The following DHX8 variants were observed in gnomAD, a reference collection of about 807,000 sequenced individuals.
DHX8 encodes the protein DEAH-box helicase 8.
DHX8 carries 67 observed loss-of-function variants against 140.7 expected under a neutral mutation model. That is an observed-to-expected ratio of 0.48 (90% confidence interval 0.39 to 0.58). The LOEUF (loss-of-function observed/expected upper bound fraction) is 0.58, where lower values mean the gene tolerates loss of function less well. Ranked by LOEUF, DHX8 falls within the 20% of genes least tolerant of loss-of-function variation. The pLI is 0.00. For synonymous variants in DHX8, 533 were observed against 553.2 expected (o/e 0.96, Z 0.51); for missense variants, 887 against 1,550.7 (o/e 0.57, Z 7.19).
At chr17:43,533,028 TC>T in intron 2 of DHX8, 1 of 1,508,614 alleles carries the variant, frequency 6.6e-7, no homozygotes, top group Non-Finnish European at 8.9e-7. Flanking sequence ...TAGAGTGGGC[TC>T]CGGAATGGGG....
At chr17:43,495,276 T>C (rs1968790752) in intron 8 of DHX8, among the ~76,000 whole-genome samples, 1 of 152,150 alleles carries the variant, frequency 6.6e-6, no homozygotes, top group South Asian at 2.1e-4. Flanking sequence ...GGGTTACATA[T>C]TTTTTCCTTT....
At chr17:43,509,410 G>C (rs891637680) in intron 16 of DHX8, among the ~76,000 whole-genome samples, 2 of 151,920 alleles carry the variant, frequency 1.3e-5, no homozygotes, top group African/African-American at 4.8e-5. Flanking sequence ...GATGGATGTA[G>C]GTATTTTTTT....
chr17:43,513,312 C>A, intron 16 of DHX8, 50 bp from the exon 17 acceptor site: 1 of 1,595,864 alleles, frequency 6.3e-7, no homozygotes, highest in South Asian at 1.1e-5. Context: ...TTTCACACCT[C>A]AGGGCTGAGC....
rs1034493094 is a variant in DHX8 at position 43,517,099 on chromosome 17, G to C, written c.2644-68G>C. 14 of 1,487,376 alleles carry C rather than the reference G, an allele frequency of 9.4e-6. No individual in the cohort carries two copies. The African/African-American group carries it at 1.7e-4, about 18-fold the overall frequency. 92.1% of individuals were successfully genotyped at this position (1,487,376 alleles called of 1,614,324 possible). A position where few individuals can be genotyped will look rare whatever the true frequency, so the allele number is the denominator to read the frequency against. On this transcript the variant is annotated intron_variant, in intron 17 of 22. Transcript: ENST00000262415. The stretch of plus-strand genomic sequence containing the variant: ...GTTGTTAATTGTCCCCCTTTTAACA[G>C]ATATCCTGGGTAAAGCTGTTAAGCA...
intron 16 of DHX8, among the ~76,000 whole-genome samples, chr17:43,512,406 A>G (rs1398860197): frequency 6.7e-6 from 1 of 148,872 alleles, no homozygotes; most frequent in Non-Finnish European, 1.5e-5. Flanking sequence ...AAAAAAAGGC[A>G]GATGGACTTG....
rs879206378 is a variant in DHX8 at position 43,523,902 on chromosome 17, T to C, written c.*55T>C. 1.2e-5 allele frequency: 20 copies of C among 1,605,402 alleles called. No individual in the cohort carries two copies. The highest frequency in any genetic ancestry group is 1.7e-5 in the Admixed American group (1 of 59,016). On this transcript the variant is annotated 3_prime_UTR_variant, in exon 23 of 23. Coordinates refer to ENST00000262415, the MANE Select transcript of DHX8 (RefSeq NM_004941.3). ...CAGCAGTAGCCAGGGCTTGGACTTATCGATGACAGGCTGGTCCTGAGGATA... is the reference window on the plus strand; with the variant it reads ...CAGCAGTAGCCAGGGCTTGGACTTACCGATGACAGGCTGGTCCTGAGGATA...
chr17:43,488,297 G>A (rs12944466), intron 1 of DHX8, among the ~76,000 whole-genome samples: 2,699 of 81,328 alleles, frequency 0.033, 91 homozygotes, highest in African/African-American at 0.11. Context: ...AAAAAAAAAA[G>A]AAAAAAAGAA....
At position 43,488,991 on chromosome 17, in the gene DHX8, G is replaced by A. The variant is rs1968341633; in HGVS notation, c.149-458G>A. Among the ~76,000 whole-genome samples, 3 of 151,700 alleles carry A rather than the reference G, an allele frequency of 2.0e-5. 1 individual carries two copies. Among genetic ancestry groups the A allele is most frequent in the African/African-American group, 7.2e-5 (3 of 41,396 alleles). ...TTCAGCAGTCTAGATTTTCTCTCTT[G>A]TTTTCTTGTTTTGTTTTTTTTGTTT... On this transcript the variant is annotated intron_variant, in intron 1 of 22. Coordinates refer to ENST00000262415, the MANE Select transcript of DHX8 (RefSeq NM_004941.3).
chr17:43,539,895 T>G (rs1971435673), intron 3 of DHX8, among the ~76,000 whole-genome samples: 1 of 152,344 alleles, frequency 6.6e-6, no homozygotes, highest in Middle Eastern at 3.4e-3. Context: ...CTTATATTAA[T>G]AGATAGTTGA....
intron 16 of DHX8, among the ~76,000 whole-genome samples, chr17:43,512,179 G>C (rs1164351168): frequency 2.0e-5 from 3 of 151,730 alleles, no homozygotes; most frequent in Non-Finnish European, 4.4e-5. Context: ...ATGAGGTCAG[G>C]AGTTCGAGAC....
At chr17:43,537,015 A>C (rs1454856657) in intron 3 of DHX8, among the ~76,000 whole-genome samples, 1 of 152,160 alleles carries the variant, frequency 6.6e-6, no homozygotes, top group Non-Finnish European at 1.5e-5. Flanking sequence ...AGCTCACAAC[A>C]GTCATATCTA....
chr17:43,490,035 C>T (rs925996577), intron 2 of DHX8, among the ~76,000 whole-genome samples: 1 of 92,044 alleles, frequency 1.1e-5, no homozygotes, highest in Non-Finnish European at 2.6e-5. Context: ...TCTGTGATAC[C>T]TCTAGGAAAA....
chr17:43,531,531 C>G (rs541855718), downstream of DHX8, among the ~76,000 whole-genome samples: 1 of 152,278 alleles, frequency 6.6e-6, no homozygotes, highest in Admixed American at 6.5e-5. Flanking sequence ...TGGTGAAACC[C>G]CGTCTCTACT....
At chr17:43,494,846 C>T (rs1687936518) in intron 8 of DHX8, among the ~76,000 whole-genome samples, 2 of 140,922 alleles carry the variant, frequency 1.4e-5, no homozygotes. Flanking sequence ...GAGTCTCGCT[C>T]TGTCACCCAG....
At chr17:43,491,502 A>T (rs1052266509) in intron 4 of DHX8, among the ~76,000 whole-genome samples, 1 of 151,914 alleles carries the variant, frequency 6.6e-6, no homozygotes, top group Non-Finnish European at 1.5e-5. Context: ...AGGTTCTGGA[A>T]CAGATGCCTA....
At position 43,500,905 on chromosome 17, in the gene DHX8, G is replaced by A. The variant is rs1265600493; in HGVS notation, c.1546+802G>A. 7.3e-5 allele frequency among the ~76,000 whole-genome samples: 11 copies of A among 151,714 alleles called. No homozygotes were observed. In the South Asian group the frequency reaches 8.3e-4, roughly 11 times the overall value. On this transcript the variant is annotated intron_variant, in intron 11 of 22. Coordinates refer to ENST00000262415, the MANE Select transcript of DHX8 (RefSeq NM_004941.3). Reference sequence around the variant, plus strand: ...CAGCCTGGCTACAGAGTGAGACTCCGTCTCAAAAAAAAAATTTTTATTCTA... The same window carrying A: ...CAGCCTGGCTACAGAGTGAGACTCCATCTCAAAAAAAAAATTTTTATTCTA...
At chr17:43,525,886 G>A (rs866266174), downstream of DHX8, 7 of 886,202 alleles carry the variant, frequency 7.9e-6, no homozygotes, top group South Asian at 5.2e-5. Flanking sequence ...GGGAGGGAGG[G>A]TTGGGTTTCA....
rs769008451 is a variant in DHX8, at chr17:43,492,676, G to T, written c.504-5G>T. On this transcript the variant is annotated splice_region_variant and splice_polypyrimidine_tract_variant and intron_variant, in intron 5 of 22. Coordinates refer to ENST00000262415, the MANE Select transcript of DHX8 (RefSeq NM_004941.3). ...TTTTTAAACAGGTGCTTATTGATTT[G>T]TTAGGGACAGGACAAAGAAGAAGAA... 6.6e-7 allele frequency: 1 copy of T among 1,507,798 alleles called. No individual in the cohort carries two copies. Among genetic ancestry groups the T allele is most frequent in the Non-Finnish European group, 9.2e-7 (1 of 1,083,394 alleles). The allele number at this position is 1,507,798 out of a possible 1,614,324, so 93.4% of individuals were successfully genotyped here.
At chr17:43,538,484 A>C (rs1052797994) in intron 3 of DHX8, among the ~76,000 whole-genome samples, 14 of 152,154 alleles carry the variant, frequency 9.2e-5, no homozygotes, top group Admixed American at 6.6e-5. Context: ...CTCTCCCAGG[A>C]TGCCAGGATG....
Sources: gnomAD v4.1 joint callset for allele counts (sites outside exome capture counted in the v4.1 genomes callset) on GRCh38, gnomAD v4.1.1 for gene constraint, MANE v1.5 for transcripts, NCBI Gene and HGNC (gene_info 2026-07-23, HGNC 2026-07-21) for gene names.